The following PWWP2A variants were observed in gnomAD, a reference collection of about 807,000 sequenced individuals.
PWWP2A encodes PWWP domain-containing protein 2A.
Under a neutral mutation model 48.5 loss-of-function variants are expected in PWWP2A, and 18 were observed. The ratio of observed to expected loss-of-function variants is 0.37; its 90% CI spans 0.26 to 0.55. The LOEUF (loss-of-function observed/expected upper bound fraction) is 0.55, where lower values mean the gene tolerates loss of function less well. Among genes scored for constraint, PWWP2A ranks in the 20% least tolerant of loss-of-function variants. The probability of loss-of-function intolerance (pLI) is 0.81; values close to 1 mark genes in which losing one functional copy is unlikely to be tolerated. For synonymous variants in PWWP2A, 396 were observed against 387.7 expected (o/e 1.02, Z -0.25); for missense variants, 867 against 976.4 (o/e 0.89, Z 1.49).
chr5:160,109,774 A>AAAAAAAATAT (rs1554104831), intron 1 of PWWP2A, among the ~76,000 whole-genome samples: 1 of 25,236 alleles, frequency 4.0e-5, no homozygotes, highest in Non-Finnish European at 7.1e-5. Flanking sequence ...AAAAAAAAAA[A>AAAAAAAATAT]ATATATATAT....
intron 1 of PWWP2A, among the ~76,000 whole-genome samples, chr5:160,109,800 T>TAAAATAATATAATA: frequency 8.0e-6 from 1 of 124,842 alleles, no homozygotes; most frequent in Middle Eastern, 4.2e-3. Flanking sequence ...TATATATATA[T>TAAAATAATATAATA]ATATATATAA....
chr5:160,112,571 C>A (rs988052941), intron 1 of PWWP2A, among the ~76,000 whole-genome samples: 56 of 152,058 alleles, frequency 3.7e-4, no homozygotes, highest in African/African-American at 1.3e-3. Flanking sequence ...CTGATTTTAA[C>A]CAGATACTAA....
rs1362258601 is a variant in PWWP2A at position 160,119,359 on chromosome 5, C to G, written c.30G>C (p.Ala10=). The G allele has an allele frequency of 7.2e-7, 1 of 1,383,414 alleles. No individual in the cohort carries two copies. The highest frequency in any genetic ancestry group is 1.6e-5 in the South Asian group (1 of 61,282). The allele number at this position is 1,383,414 out of a possible 1,614,324, so 85.7% of individuals were successfully genotyped here. A position where few individuals can be genotyped will look rare whatever the true frequency, so the allele number is the denominator to read the frequency against. Reference sequence around the variant, plus strand: ...CCCCCTCCCCGGGGGACGCTGCAGTCGCTGCCGCCTCTGCAGCCACGGCCG... The same window carrying G: ...CCCCCTCCCCGGGGGACGCTGCAGTGGCTGCCGCCTCTGCAGCCACGGCCG... MAAVAAEAA[A]TAASPGEGGA... is the part of the protein sequence containing the mutation. Residue 10 remains alanine (A), a synonymous_variant, in exon 1 of 2, where the codon GCG becomes GCC. Coordinates refer to ENST00000307063, the MANE Select transcript of PWWP2A (RefSeq NM_001130864.2).
downstream of PWWP2A, among the ~76,000 whole-genome samples, chr5:160,086,664 G>A (rs984872921): frequency 2.6e-5 from 4 of 152,076 alleles, no homozygotes; most frequent in Admixed American, 6.6e-5. Context: ...AGGCCGAGGC[G>A]GGTGGATCAC....
intron 2 of PWWP2A, among the ~76,000 whole-genome samples, chr5:160,084,073 T>C (rs1477081000): frequency 6.6e-6 from 1 of 152,244 alleles, no homozygotes; most frequent in Non-Finnish European, 1.5e-5. Flanking sequence ...TGTTGCAGAA[T>C]GATAGTATCG....
intron 1 of PWWP2A, chr5:160,116,657 A>C: frequency 1.0e-6 from 1 of 985,180 alleles, no homozygotes; most frequent in Non-Finnish European, 1.2e-6. Context: ...CACAATGAGC[A>C]CTTATCCATT....
At chr5:160,100,919 A>T in intron 1 of PWWP2A, among the ~76,000 whole-genome samples, 1 of 152,264 alleles carries the variant, frequency 6.6e-6, no homozygotes, top group East Asian at 1.9e-4. Flanking sequence ...TCTCAAAGAG[A>T]TATTAGCCAA....
At chr5:160,105,773 TCA>T in intron 1 of PWWP2A, 4 of 112,626 alleles carry the variant, frequency 3.6e-5, no homozygotes, top group Non-Finnish European at 6.4e-5. Context: ...AGACGCCATC[TCA>T]AAAAAAAAAA....
downstream of PWWP2A, among the ~76,000 whole-genome samples, chr5:160,086,580 A>G (rs1302199555): frequency 6.6e-6 from 1 of 151,944 alleles, no homozygotes; most frequent in African/African-American, 2.4e-5. Flanking sequence ...CAAGTTTGCT[A>G]TTGGTGTGTT....
intron 2 of PWWP2A, among the ~76,000 whole-genome samples, chr5:160,083,597 T>A (rs1256784381): frequency 1.3e-5 from 2 of 152,224 alleles, no homozygotes; most frequent in Non-Finnish European, 2.9e-5. Flanking sequence ...AGTTCTAACA[T>A]CTTTGTGAAG....
Position 160,065,101 on chromosome 5 carries a change from T to TA in PWWP2A, c.*237-1429_*237-1428insT, listed in dbSNP as rs564384758. The stretch of plus-strand genomic sequence containing the variant: ...AAAAGCTTTACAAGCTGACTTGGAA[T>TA]TGTGTGCTGCTTGCTGTTAGCTAGG... On this transcript the variant is annotated intron_variant and NMD_transcript_variant, in intron 4 of 5. Coordinates refer to the PWWP2A transcript ENST00000524050. The TA allele has an allele frequency of 3.5e-3, 5,565 of 1,599,666 alleles. 14 individuals are homozygous for TA. Among genetic ancestry groups the TA allele is most frequent in the Non-Finnish European group, 4.4e-3 (5,123 of 1,176,090 alleles).
At chr5:160,049,701 C>A in the PWWP2A span, 3 of 1,443,748 alleles carry the variant, frequency 2.1e-6, no homozygotes, top group South Asian at 1.5e-5. Context: ...TCCTTCTATT[C>A]TTTGTGTTGC....
chr5:160,056,518 G>A, the PWWP2A span, among the ~76,000 whole-genome samples: 1 of 152,134 alleles, frequency 6.6e-6, no homozygotes, highest in African/African-American at 2.4e-5. Context: ...CAGTTGAAGA[G>A]TTCAAGACCA....
chr5:160,061,164 A>G (rs908488580), downstream of PWWP2A, among the ~76,000 whole-genome samples: 4 of 152,148 alleles, frequency 2.6e-5, no homozygotes, highest in African/African-American at 9.7e-5. Flanking sequence ...TCGCCTGCCT[A>G]TCTCTGTGCA....
the PWWP2A span, chr5:160,051,324 C>T: frequency 1.6e-6 from 1 of 606,548 alleles, no homozygotes; most frequent in Non-Finnish European, 2.7e-6. Flanking sequence ...TATTTTGACC[C>T]CAGAAGGGGC....
chr5:160,113,973 TTCC>T (rs199814459), intron 1 of PWWP2A, among the ~76,000 whole-genome samples: 1,942 of 152,270 alleles, frequency 0.013, 45 homozygotes, highest in African/African-American at 0.044. Flanking sequence ...GAGCCTCCAT[TTCC>T]TCCTGTGTAA....
downstream of PWWP2A, chr5:160,090,001 TAGAGAG>T (rs1209407089): frequency 1.2e-5 from 12 of 985,116 alleles, no homozygotes; most frequent in East Asian, 1.1e-3. Flanking sequence ...CATTTAAGAT[TAGAGAG>T]ATTCTTTAAA....
Position 160,119,173 on chromosome 5 carries a change from C to A in PWWP2A, c.216G>T (p.Pro72=). 1 of 1,509,638 alleles carries A rather than the reference C, an allele frequency of 6.6e-7. No individual in the cohort carries two copies. The highest frequency in any genetic ancestry group is 8.7e-7 in the Non-Finnish European group (1 of 1,145,324). 93.5% of individuals were successfully genotyped at this position (1,509,638 alleles called of 1,614,324 possible). Residue 72 remains proline, a synonymous_variant, in exon 1 of 2, where the codon CCG becomes CCT. Coordinates refer to ENST00000307063, the MANE Select transcript of PWWP2A (RefSeq NM_001130864.2). ...QADEPPLPPP[P]PPPGELARSP... is the part of the protein sequence containing the mutation. ...TGCGGGCGAGCTCCCCCGGCGGCGGCGGTGGCGGCGGGAGCGGCGGCTCGT... is the reference window on the plus strand; with the variant it reads ...TGCGGGCGAGCTCCCCCGGCGGCGGAGGTGGCGGCGGGAGCGGCGGCTCGT...
chr5:160,091,928 A>C lies in PWWP2A; in HGVS notation c.*454T>G. 1 of 983,230 alleles carries C rather than the reference A, an allele frequency of 1.0e-6. No homozygotes were observed. The highest frequency in any genetic ancestry group is 1.2e-6 in the Non-Finnish European group (1 of 828,676). The allele number at this position is 983,230 out of a possible 1,614,324, so 60.9% of individuals were successfully genotyped here. Reference sequence around the variant, plus strand: ...GCCCTTATTGCAATCCCAAATATGCAATCTGTGTCACACAGTGACAGGCTG... The same window carrying C: ...GCCCTTATTGCAATCCCAAATATGCCATCTGTGTCACACAGTGACAGGCTG... On this transcript the variant is annotated 3_prime_UTR_variant, in exon 2 of 2. Coordinates refer to ENST00000307063, the MANE Select transcript of PWWP2A (RefSeq NM_001130864.2).
Sources: allele counts gnomAD v4.1 joint callset (sites outside exome capture counted in the v4.1 genomes callset), GRCh38; gene constraint gnomAD v4.1.1; transcripts MANE v1.5; gene names NCBI Gene and HGNC (gene_info 2026-07-23, HGNC 2026-07-21).